CACNA2D3: variants seen among roughly 807,000 people sequenced by gnomAD.
CACNA2D3 encodes calcium voltage-gated channel auxiliary subunit alpha2delta 3.
CACNA2D3 carries 60 observed loss-of-function variants against 160.6 expected under a neutral mutation model. The observed-to-expected ratio is 0.37, with a 90% confidence interval of 0.30 to 0.46. The LOEUF (loss-of-function observed/expected upper bound fraction) is 0.46, where lower values mean the gene tolerates loss of function less well. Among genes scored for constraint, CACNA2D3 ranks in the 20% least tolerant of loss-of-function variants. The probability of loss-of-function intolerance (pLI) is 1.00; values close to 1 mark genes in which losing one functional copy is unlikely to be tolerated. For synonymous variants in CACNA2D3, 558 were observed against 492.9 expected, an observed-to-expected ratio of 1.13 and a Z score of -1.75; for missense variants, 1,205 against 1,365.0, an observed-to-expected ratio of 0.88 and a Z score of 1.85.
chr3:54,534,256 G>C (rs2106647305), intron 5 of CACNA2D3, among the ~76,000 whole-genome samples: 1 of 152,302 alleles, frequency 6.6e-6, no homozygotes, highest in Non-Finnish European at 1.5e-5. Flanking sequence ...ATTATGGGTA[G>C]TTTTTAATTC....
intron 10 of CACNA2D3, chr3:54,638,589 G>A (rs905662112): frequency 6.6e-6 from 1 of 151,890 alleles, no homozygotes; most frequent in Non-Finnish European, 1.5e-5. Context: ...AGATTAGAAA[G>A]ACTCAGTGAC....
chr3:54,199,276 G>A (rs1379587660), intron 2 of CACNA2D3, among the ~76,000 whole-genome samples: 2 of 152,138 alleles, frequency 1.3e-5, no homozygotes, highest in African/African-American at 4.8e-5. Context: ...TAGTTTTGAA[G>A]CAGTTCTAAG....
chr3:54,983,482 CA>C (rs922193678), intron 29 of CACNA2D3, among the ~76,000 whole-genome samples: 5 of 152,182 alleles, frequency 3.3e-5, no homozygotes, highest in African/African-American at 1.2e-4. Flanking sequence ...CTTCAAATAG[CA>C]AAGCTGTGAA....
chr3:54,910,118 T>C (rs1310502440), intron 27 of CACNA2D3, among the ~76,000 whole-genome samples: 1 of 152,160 alleles, frequency 6.6e-6, no homozygotes, highest in Non-Finnish European at 1.5e-5. Flanking sequence ...AATGCCTGAA[T>C]GTCATGGTCA....
chr3:54,594,175 C>G (rs948455707), intron 9 of CACNA2D3, among the ~76,000 whole-genome samples: 1 of 152,090 alleles, frequency 6.6e-6, no homozygotes, highest in Non-Finnish European at 1.5e-5. Context: ...AAGATGTTAG[C>G]AAAATTTTTT....
intron 35 of CACNA2D3, among the ~76,000 whole-genome samples, chr3:55,036,186 C>T (rs553380239): frequency 2.6e-5 from 4 of 152,268 alleles, no homozygotes; most frequent in Non-Finnish European, 4.4e-5. Flanking sequence ...GTGGCTCCCA[C>T]CTGTAATCCC....
chr3:54,948,474 T>C (rs1190123644), intron 27 of CACNA2D3, among the ~76,000 whole-genome samples: 2 of 152,240 alleles, frequency 1.3e-5, no homozygotes, highest in Non-Finnish European at 2.9e-5. Context: ...CAATGGCCTA[T>C]GTACATTCAA....
At chr3:54,601,073 TG>T (rs1703051148) in intron 9 of CACNA2D3, among the ~76,000 whole-genome samples, 2 of 152,226 alleles carry the variant, frequency 1.3e-5, no homozygotes, top group Admixed American at 1.3e-4. Context: ...CACACTATGC[TG>T]GAGGAGACTT....
intron 9 of CACNA2D3, among the ~76,000 whole-genome samples, chr3:54,618,376 C>CATAT (rs1698907277): frequency 1.3e-4 from 2 of 15,728 alleles, no homozygotes; most frequent in Non-Finnish European, 2.0e-4. Flanking sequence ...TATATATATG[C>CATAT]ACACACACAC....
At chr3:54,898,131 C>A (rs1265778049) in intron 26 of CACNA2D3, among the ~76,000 whole-genome samples, 1 of 139,330 alleles carries the variant, frequency 7.2e-6, no homozygotes, top group Non-Finnish European at 1.6e-5. Flanking sequence ...CTTTCTTTTT[C>A]TTTTTCTTTT....
At chr3:54,975,392 A>C (rs969116067) in intron 29 of CACNA2D3, among the ~76,000 whole-genome samples, 1 of 151,892 alleles carries the variant, frequency 6.6e-6, no homozygotes, top group Non-Finnish European at 1.5e-5. Flanking sequence ...TGGGGTGTGC[A>C]CCTGTAGTCT....
intron 3 of CACNA2D3, among the ~76,000 whole-genome samples, chr3:54,352,544 A>T (rs190309613): frequency 4.5e-4 from 69 of 152,362 alleles, no homozygotes; most frequent in Middle Eastern, 3.4e-3. Context: ...AAAGTCACAG[A>T]CATAACAGCA....
At chr3:54,452,523 T>G (rs895454574) in intron 4 of CACNA2D3, among the ~76,000 whole-genome samples, 1 of 152,244 alleles carries the variant, frequency 6.6e-6, no homozygotes, top group African/African-American at 2.4e-5. Flanking sequence ...TTAATGTCTG[T>G]ATTTCTCCCA....
At chr3:54,182,054 A>T (rs1300241442) in intron 2 of CACNA2D3, among the ~76,000 whole-genome samples, 1 of 152,222 alleles carries the variant, frequency 6.6e-6, no homozygotes, top group African/African-American at 2.4e-5. Flanking sequence ...ATTTACAGGC[A>T]ACAATATTTA....
intron 24 of CACNA2D3, among the ~76,000 whole-genome samples, chr3:54,888,717 C>T (rs72876039): frequency 0.12 from 17,124 of 147,644 alleles, 1,002 homozygotes; most frequent in Middle Eastern, 0.18. Context: ...ATCTTCCCTT[C>T]TATCCTGTTT....
At chr3:54,858,460 C>G (rs536751877) in intron 17 of CACNA2D3, among the ~76,000 whole-genome samples, 19 of 152,326 alleles carry the variant, frequency 1.2e-4, no homozygotes, top group African/African-American at 4.6e-4. Flanking sequence ...TCTGTGACAG[C>G]CTGCTGGGGG....
chr3:54,301,615 A>C (rs74393990), intron 2 of CACNA2D3, among the ~76,000 whole-genome samples: 2,595 of 152,340 alleles, frequency 0.017, 73 homozygotes, highest in African/African-American at 0.058. Context: ...GTTTCCAAAG[A>C]AAATGTAGTT....
At chr3:54,658,005 G>C (rs781100459) in intron 11 of CACNA2D3, among the ~76,000 whole-genome samples, 1 of 152,224 alleles carries the variant, frequency 6.6e-6, no homozygotes, top group Non-Finnish European at 1.5e-5. Flanking sequence ...GCAACAGAGT[G>C]AGTGAGACTC....
intron 4 of CACNA2D3, among the ~76,000 whole-genome samples, chr3:54,458,613 G>C (rs1469717991): frequency 6.6e-6 from 1 of 151,896 alleles, no homozygotes; most frequent in Non-Finnish European, 1.5e-5. Context: ...CTTTGTCTCA[G>C]ACTTTTGACA....
Sources: allele counts gnomAD v4.1 joint callset (sites outside exome capture counted in the v4.1 genomes callset), GRCh38; gene constraint gnomAD v4.1.1; transcripts MANE v1.5; gene names NCBI Gene and HGNC (gene_info 2026-07-23, HGNC 2026-07-21).